The following NELL2 variants were observed in gnomAD, a reference collection of about 807,000 sequenced individuals.
The protein encoded by NELL2 is neural EGFL like 2.
NELL2 carries 41 observed loss-of-function variants against 109.6 expected under a neutral mutation model. The ratio of observed to expected loss-of-function variants is 0.37; its 90% confidence interval spans 0.29 to 0.49. The LOEUF is 0.49. Among genes scored for constraint, NELL2 ranks in the 20% least tolerant of loss-of-function variants. The pLI, the probability that NELL2 is intolerant of heterozygous loss-of-function variation, is 0.98. For synonymous variants in NELL2, 355 were observed against 344.7 expected (o/e 1.03, Z -0.33); for missense variants, 900 against 1,008.3 (o/e 0.89, Z 1.45).
chr12:44,546,013 T>C (rs1402063822), intron 15 of NELL2, among the ~76,000 whole-genome samples: 1 of 152,146 alleles, frequency 6.6e-6, no homozygotes, highest in Non-Finnish European at 1.5e-5. Flanking sequence ...TACTGTGAGC[T>C]TTCTAATTAT....
intron 1 of NELL2, among the ~76,000 whole-genome samples, chr12:44,908,539 T>C (rs1275932402): frequency 6.6e-6 from 1 of 151,886 alleles, no homozygotes; most frequent in Non-Finnish European, 1.5e-5. Flanking sequence ...TGGAAGACAA[T>C]ACCACCAAAG....
intron 9 of NELL2, among the ~76,000 whole-genome samples, chr12:44,763,451 G>A (rs1941206006): frequency 6.6e-6 from 1 of 152,064 alleles, no homozygotes; most frequent in Non-Finnish European, 1.5e-5. Flanking sequence ...CATAATAAAG[G>A]ATTAGCCTCC....
chr12:44,512,942 TTCAGA>T (rs1941066686), intron 19 of NELL2, among the ~76,000 whole-genome samples: 1 of 151,976 alleles, frequency 6.6e-6, no homozygotes, highest in African/African-American at 2.4e-5. Context: ...ATTGTATATG[TTCAGA>T]AATCTAGAAG....
chr12:44,756,297 TTC>T (rs143062840), intron 9 of NELL2, among the ~76,000 whole-genome samples: 20 of 151,984 alleles, frequency 1.3e-4, no homozygotes, highest in Middle Eastern at 3.2e-3. Flanking sequence ...TGTTCAACCT[TTC>T]TCTCTCTCCT....
rs149388809 is a variant in NELL2 at position 44,789,729 on chromosome 12, T to A, written c.336-9707A>T. On this transcript the variant is annotated intron_variant, in intron 3 of 19. Coordinates refer to ENST00000429094, the MANE Select transcript of NELL2 (RefSeq NM_001145108.2). ...ATGCAAGGAAATCCAAAAAAAGATA[T>A]AAGAAGTGAAGGGAGAAATAGTCAA... Among the ~76,000 whole-genome samples, 276 of 151,658 alleles carry A rather than the reference T, an allele frequency of 1.8e-3. 9 individuals are homozygous for A. In the East Asian group the frequency reaches 0.042, roughly 23 times the overall value.
chr12:44,701,543 C>A (rs1288172099), intron 12 of NELL2, among the ~76,000 whole-genome samples: 1 of 152,072 alleles, frequency 6.6e-6, no homozygotes, highest in Non-Finnish European at 1.5e-5. Context: ...TCTCTGGCCC[C>A]TTTCCTTAAC....
chr12:44,618,851 G>A (rs2136267614), intron 13 of NELL2, among the ~76,000 whole-genome samples: 1 of 152,238 alleles, frequency 6.6e-6, no homozygotes, highest in Non-Finnish European at 1.5e-5. Context: ...TGTGCTAAGT[G>A]TTTTATATGC....
intron 1 of NELL2, among the ~76,000 whole-genome samples, chr12:44,884,026 T>G (rs1945443980): frequency 6.6e-6 from 1 of 151,734 alleles, no homozygotes; most frequent in Non-Finnish European, 1.5e-5. Flanking sequence ...AAGACTGAAC[T>G]CATCAGAAGG....
chr12:44,769,102 T>C (rs752018105), intron 9 of NELL2, among the ~76,000 whole-genome samples: 15 of 152,160 alleles, frequency 9.9e-5, no homozygotes, highest in Non-Finnish European at 2.2e-4. Flanking sequence ...CAGATTATCA[T>C]CCAATTTTTA....
intron 3 of NELL2, among the ~76,000 whole-genome samples, chr12:44,797,412 A>G (rs369841810): frequency 6.6e-6 from 1 of 152,206 alleles, no homozygotes; most frequent in South Asian, 2.1e-4. Flanking sequence ...GATGTGCAAA[A>G]AATTTGGCTG....
intron 12 of NELL2, among the ~76,000 whole-genome samples, chr12:44,699,153 T>C (rs1949147326): frequency 6.6e-6 from 1 of 152,182 alleles, no homozygotes; most frequent in Non-Finnish European, 1.5e-5. Context: ...AACTTTTATA[T>C]CTTATATGTA....
intron 3 of NELL2, among the ~76,000 whole-genome samples, chr12:44,813,872 A>G (rs563406746): frequency 6.6e-6 from 1 of 152,350 alleles, no homozygotes; most frequent in African/African-American, 2.4e-5. Context: ...CCTCACAGGA[A>G]GAGTAAGAAA....
chr12:44,729,066 A>G (rs1939228696), intron 9 of NELL2, among the ~76,000 whole-genome samples: 1 of 152,140 alleles, frequency 6.6e-6, no homozygotes, highest in South Asian at 2.1e-4. Context: ...AGGTAAATAT[A>G]CAGACAAATA....
At chr12:44,893,972 A>G (rs1945565126) in intron 1 of NELL2, among the ~76,000 whole-genome samples, 1 of 152,210 alleles carries the variant, frequency 6.6e-6, no homozygotes, top group Non-Finnish European at 1.5e-5. Flanking sequence ...AAAATAAACG[A>G]AAAAGACATA....
chr12:44,558,918 C>T (rs1464369863), intron 15 of NELL2, among the ~76,000 whole-genome samples: 2 of 152,154 alleles, frequency 1.3e-5, no homozygotes, highest in African/African-American at 2.4e-5. Flanking sequence ...AAGCTAAGAT[C>T]CACTATCTTG....
chr12:44,649,185 T>C (rs1947214867), intron 13 of NELL2, among the ~76,000 whole-genome samples: 1 of 151,878 alleles, frequency 6.6e-6, no homozygotes, highest in African/African-American at 2.4e-5. Flanking sequence ...CTTCCTTATT[T>C]TTCTCCTTCT....
intron 15 of NELL2, among the ~76,000 whole-genome samples, chr12:44,598,879 A>ACG (rs1565994204): frequency 6.7e-6 from 1 of 148,852 alleles, no homozygotes; most frequent in African/African-American, 2.5e-5. Context: ...ACACACACAC[A>ACG]CACACTCTCT....
intron 1 of NELL2, among the ~76,000 whole-genome samples, chr12:44,910,128 A>G (rs1945763145): frequency 6.6e-6 from 1 of 152,062 alleles, no homozygotes; most frequent in African/African-American, 2.4e-5. Context: ...AAAAATTGAC[A>G]AGTGGGACCT....
At chr12:44,817,704 G>A (rs2136689036) in intron 2 of NELL2, among the ~76,000 whole-genome samples, 1 of 152,298 alleles carries the variant, frequency 6.6e-6, no homozygotes, top group African/African-American at 2.4e-5. Context: ...GGATGAGGCA[G>A]GACCCTGCAG....
Sources: allele counts gnomAD v4.1 joint callset (sites outside exome capture counted in the v4.1 genomes callset), GRCh38; gene constraint gnomAD v4.1.1; transcripts MANE v1.5; gene names NCBI Gene and HGNC (gene_info 2026-07-23, HGNC 2026-07-21).